TFDP2: variants seen among roughly 807,000 people sequenced by gnomAD.
TFDP2 encodes the protein transcription factor Dp-2 (E2F dimerization partner 2).
Under a neutral mutation model 59.3 loss-of-function variants are expected in TFDP2, and 17 were observed. The ratio of observed to expected loss-of-function variants is 0.29; its 90% confidence interval spans 0.20 to 0.43. The LOEUF is 0.43. Among genes scored for constraint, TFDP2 ranks in the 20% least tolerant of loss-of-function variants. The probability of loss-of-function intolerance (pLI) is 1.00; values close to 1 mark genes in which losing one functional copy is unlikely to be tolerated. For synonymous variants in TFDP2, 180 were observed against 194.7 expected, an observed-to-expected ratio of 0.92 and a Z score of 0.63; for missense variants, 391 against 528.8, an observed-to-expected ratio of 0.74 and a Z score of 2.56.
chr3:142,140,325 G>T (rs62282061), intron 1 of TFDP2, among the ~76,000 whole-genome samples: 10,357 of 152,194 alleles, frequency 0.068, 492 homozygotes, highest in Middle Eastern at 0.16. Flanking sequence ...TTAGCTCAGA[G>T]AAGTTTGTTA....
intron 10 of TFDP2, among the ~76,000 whole-genome samples, chr3:141,960,666 G>A (rs1404293278): frequency 2.6e-5 from 4 of 152,168 alleles, no homozygotes; most frequent in African/African-American, 9.6e-5. Context: ...GATTATCTTA[G>A]AAGCAAAAAT....
chr3:141,960,613 G>A (rs1431975355), intron 10 of TFDP2, among the ~76,000 whole-genome samples: 2 of 152,120 alleles, frequency 1.3e-5, no homozygotes, highest in African/African-American at 4.8e-5. Context: ...AAAATCATGT[G>A]AGGGTAAAAC....
rs2107818048 is a variant in TFDP2 at position 141,950,803 on chromosome 3, C to T, written c.*1710G>A. On this transcript the variant is annotated 3_prime_UTR_variant, in exon 13 of 13. Coordinates refer to ENST00000489671, the MANE Select transcript of TFDP2 (RefSeq NM_001178139.2). ...GCTGTCACCTCCCCAGTGTTCCTGACTGGTCTGAGAGGTGTGCTCCAGAAC... is the reference window on the plus strand; with the variant it reads ...GCTGTCACCTCCCCAGTGTTCCTGATTGGTCTGAGAGGTGTGCTCCAGAAC... 1 of 152,708 alleles carries T rather than the reference C, an allele frequency of 6.5e-6. No individual in the cohort carries two copies. The allele number at this position is 152,708 out of a possible 1,614,324, so 9.5% of individuals were successfully genotyped here.
intron 3 of TFDP2, among the ~76,000 whole-genome samples, chr3:142,038,073 A>T (rs1304884713): frequency 2.0e-5 from 3 of 152,120 alleles, no homozygotes; most frequent in African/African-American, 7.2e-5. Context: ...CTGATCCCCT[A>T]CAGAAGTAGA....
chr3:141,995,568 T>C (rs1312381498), intron 4 of TFDP2, among the ~76,000 whole-genome samples: 7 of 152,146 alleles, frequency 4.6e-5, no homozygotes, highest in African/African-American at 7.2e-5. Flanking sequence ...GATTATTATA[T>C]AGATGCAATT....
intron 3 of TFDP2, among the ~76,000 whole-genome samples, chr3:142,030,686 T>A (rs1251549445): frequency 1.3e-5 from 2 of 151,806 alleles, no homozygotes; most frequent in Non-Finnish European, 2.9e-5. Context: ...TCTGTTATAG[T>A]CTTAAAACAA....
At chr3:142,075,897 AACCTGC>A (rs2060433301) in intron 3 of TFDP2, among the ~76,000 whole-genome samples, 1 of 141,258 alleles carries the variant, frequency 7.1e-6, no homozygotes, top group African/African-American at 2.5e-5. Flanking sequence ...ACAGAGCCAG[AACCTGC>A]CTCAAAAAAA....
Position 142,116,481 on chromosome 3 carries a change from C to A in TFDP2, c.-92-14640G>T, listed in dbSNP as rs1336615007. ...GGCCACAGCCAAGGAATGCCCAGGG[C>A]TACCAGAAACTGGAAGAAGCAATAA... On this transcript the variant is annotated intron_variant, in intron 1 of 12. Transcript: ENST00000489671. Among the ~76,000 whole-genome samples the A allele has an allele frequency of 2.6e-5, 4 of 152,328 alleles. No individual in the cohort carries two copies. The East Asian group carries it at 7.7e-4, about 29-fold the overall frequency.
intron 4 of TFDP2, among the ~76,000 whole-genome samples, chr3:142,002,555 C>T (rs1476521896): frequency 6.6e-6 from 1 of 152,090 alleles, no homozygotes; most frequent in Non-Finnish European, 1.5e-5. Context: ...CTTTACCATC[C>T]ATATTTGTGC....
At chr3:142,138,980 T>C (rs557748394) in intron 1 of TFDP2, among the ~76,000 whole-genome samples, 46 of 152,296 alleles carry the variant, frequency 3.0e-4, no homozygotes, top group Non-Finnish European at 4.7e-4. Context: ...AAGTCTCTCA[T>C]TATTATTGTG....
chr3:142,127,875 T>C (rs752354745), intron 1 of TFDP2, among the ~76,000 whole-genome samples: 4 of 152,214 alleles, frequency 2.6e-5, no homozygotes, highest in Non-Finnish European at 5.9e-5. Flanking sequence ...GATTGAAAGT[T>C]TGAATAAAGT....
chr3:141,951,583 T>G lies in TFDP2; in HGVS notation c.*930A>C, dbSNP rs1935944185. The G allele has an allele frequency of 2.0e-5, 3 of 152,682 alleles. No individual in the cohort carries two copies. Among genetic ancestry groups the G allele is most frequent in the Admixed American group, 2.0e-4 (3 of 15,280 alleles). 9.5% of individuals were successfully genotyped at this position (152,682 alleles called of 1,614,324 possible). ...TGGTTCATTTTCACAAATTGCACAC[T>G]GGGTGAGATCATACAATTACTGCAG... On this transcript the variant is annotated 3_prime_UTR_variant, in exon 13 of 13. Coordinates refer to ENST00000489671, the MANE Select transcript of TFDP2 (RefSeq NM_001178139.2).
At chr3:142,105,851 GTCT>G (rs1466382128) in intron 1 of TFDP2, among the ~76,000 whole-genome samples, 1 of 152,058 alleles carries the variant, frequency 6.6e-6, no homozygotes, top group Non-Finnish European at 1.5e-5. Context: ...ACATCTCTGT[GTCT>G]CAATTTCTTC....
intron 8 of TFDP2, among the ~76,000 whole-genome samples, chr3:141,972,295 C>T (rs376925222): frequency 2.0e-5 from 3 of 152,302 alleles, no homozygotes; most frequent in South Asian, 4.1e-4. Context: ...ATCTCATGGC[C>T]GCTGCCGTAA....
At chr3:141,988,698 C>T (rs1431450257) in intron 6 of TFDP2, among the ~76,000 whole-genome samples, 2 of 121,720 alleles carry the variant, frequency 1.6e-5, no homozygotes, top group African/African-American at 6.1e-5. Context: ...GAGATGGAGT[C>T]TCACTCTGTC....
chr3:141,974,216 T>A lies in TFDP2; in HGVS notation c.520-25A>T, dbSNP rs568708035. 273 of 1,580,006 alleles carry A rather than the reference T, an allele frequency of 1.7e-4. 1 individual carries two copies. The East Asian group carries it at 6.2e-3, about 36-fold the overall frequency. On this transcript the variant is annotated intron_variant, in intron 7 of 12. Coordinates refer to ENST00000489671, the MANE Select transcript of TFDP2 (RefSeq NM_001178139.2). The stretch of plus-strand genomic sequence containing the variant: ...CCTGCTAAAAAATATTTTCACTGAG[T>A]GATAAATCTTAAGGGTTAAGATACA...
intron 2 of TFDP2, among the ~76,000 whole-genome samples, chr3:142,099,675 G>A (rs1387899324): frequency 6.6e-6 from 1 of 150,978 alleles, no homozygotes; most frequent in Non-Finnish European, 1.5e-5. Flanking sequence ...ATTCCAGCCC[G>A]GGCAACAGAG....
At chr3:142,038,394 A>AAAG (rs1264335812) in intron 3 of TFDP2, among the ~76,000 whole-genome samples, 155 of 150,768 alleles carry the variant, frequency 1.0e-3, no homozygotes, top group Middle Eastern at 3.5e-3. Flanking sequence ...AAAAAAAAAA[A>AAAG]AAAAAAAAAA....
chr3:142,073,705 A>C (rs930015363), intron 3 of TFDP2, among the ~76,000 whole-genome samples: 1 of 152,084 alleles, frequency 6.6e-6, no homozygotes, highest in African/African-American at 2.4e-5. Flanking sequence ...GGTATAATTC[A>C]CTTGCAAACA....
Sources: allele counts gnomAD v4.1 joint callset (sites outside exome capture counted in the v4.1 genomes callset), GRCh38; gene constraint gnomAD v4.1.1; transcripts MANE v1.5; gene names NCBI Gene and HGNC (gene_info 2026-07-23, HGNC 2026-07-21).